DEPDC1B: variants seen among roughly 807,000 people sequenced by gnomAD.
DEPDC1B encodes the protein DEP domain-containing protein 1B.
A neutral mutation model predicts 66.5 loss-of-function variants in DEPDC1B; 51 were observed. The ratio of observed to expected loss-of-function variants is 0.77; its 90% CI spans 0.61 to 0.97. DEPDC1B has a LOEUF of 0.97. DEPDC1B is among the 50% of genes least tolerant of loss of function. DEPDC1B has a pLI of 0.00. For missense variants in DEPDC1B, 552 were observed against 637.1 expected (o/e 0.87, Z 1.44); for synonymous variants, 226 against 223.6 (o/e 1.01, Z -0.10).
intron 7 of DEPDC1B, among the ~76,000 whole-genome samples, chr5:60,635,686 C>T (rs1373130244): frequency 1.3e-5 from 2 of 152,208 alleles, no homozygotes; most frequent in Non-Finnish European, 2.9e-5. Context: ...TCCTTGAACA[C>T]TTGCTGCTTC....
chr5:60,621,314 A>C lies in DEPDC1B; in HGVS notation c.899-15458T>G, dbSNP rs560596406. Among the ~76,000 whole-genome samples the C allele has an allele frequency of 2.0e-5, 3 of 151,736 alleles. No individual in the cohort carries two copies. The East Asian group carries it at 5.9e-4, about 30-fold the overall frequency. ...TAAAATTTTAAAAATAAAAATAATA[A>C]AAATAAAAATAAAATGTGGCACATA... On this transcript the variant is annotated intron_variant, in intron 7 of 10. Coordinates refer to ENST00000265036, the MANE Select transcript of DEPDC1B (RefSeq NM_018369.3).
At chr5:60,631,811 G>C (rs1752931599) in intron 7 of DEPDC1B, among the ~76,000 whole-genome samples, 1 of 152,182 alleles carries the variant, frequency 6.6e-6, no homozygotes, top group Admixed American at 6.5e-5. Flanking sequence ...ATTGTGGTCA[G>C]CCTTATTCAT....
chr5:60,660,034 T>C (rs1465613407), intron 2 of DEPDC1B, among the ~76,000 whole-genome samples: 1 of 152,120 alleles, frequency 6.6e-6, no homozygotes, highest in East Asian at 1.9e-4. Flanking sequence ...TAGATCAGGA[T>C]GAAAATGAAT....
At chr5:60,618,244 A>G (rs1270345457) in intron 7 of DEPDC1B, among the ~76,000 whole-genome samples, 2 of 152,202 alleles carry the variant, frequency 1.3e-5, no homozygotes, top group Non-Finnish European at 2.9e-5. Context: ...AAGCAAGAGC[A>G]AACACATTCA....
At position 60,687,185 on chromosome 5, in the gene DEPDC1B, G is replaced by A. The variant is rs780638515; in HGVS notation, c.91C>T (p.Arg31Trp). 9.9e-6 allele frequency: 16 copies of A among 1,613,446 alleles called. No individual in the cohort carries two copies. The highest frequency in any genetic ancestry group is 3.3e-5 in the South Asian group (3 of 91,076). The change falls in exon 2 of 11, where the codon CGG (arginine) becomes TGG (tryptophan). Residue 31 changes from arginine (R) to tryptophan (W), a missense_variant. Coordinates refer to ENST00000265036, the MANE Select transcript of DEPDC1B (RefSeq NM_018369.3). ...VELFRAKMPL[R>W]KHRCRFKSYE... Reference sequence around the variant, plus strand: ...CTCTTGAAACGACAGCGATGTTTCCGTAACGGCATCTTAGCACGAAAAAGC... The same window carrying A: ...CTCTTGAAACGACAGCGATGTTTCCATAACGGCATCTTAGCACGAAAAAGC...
chr5:60,619,014 A>G (rs1031595738), intron 7 of DEPDC1B, among the ~76,000 whole-genome samples: 16 of 152,264 alleles, frequency 1.1e-4, no homozygotes, highest in Non-Finnish European at 1.0e-4. Context: ...AATCCAGCAT[A>G]TAAACAGAAC....
intron 7 of DEPDC1B, among the ~76,000 whole-genome samples, chr5:60,615,084 TA>T (rs1267386414): frequency 1.3e-5 from 2 of 152,200 alleles, no homozygotes; most frequent in African/African-American, 4.8e-5. Context: ...TTCATGCACA[TA>T]CATGACTTTT....
chr5:60,624,640 G>A (rs944701293), intron 7 of DEPDC1B, among the ~76,000 whole-genome samples: 8 of 152,222 alleles, frequency 5.3e-5, no homozygotes, highest in Non-Finnish European at 7.4e-5. Flanking sequence ...TAATTCTAGC[G>A]TGGTCAGAAA....
intron 6 of DEPDC1B, 50 bp from the exon 7 acceptor site, chr5:60,638,940 C>G: frequency 3.1e-6 from 5 of 1,587,612 alleles, no homozygotes; most frequent in Non-Finnish European, 4.3e-6. Context: ...GTAATTACCT[C>G]TAAGTATTAT....
At chr5:60,630,619 G>C (rs776419172) in intron 7 of DEPDC1B, 5 of 152,466 alleles carry the variant, frequency 3.3e-5, no homozygotes, top group Non-Finnish European at 7.3e-5. Flanking sequence ...TGGTTGCCAT[G>C]AAAGAAATTC....
At chr5:60,616,124 C>T (rs1752548267) in intron 7 of DEPDC1B, among the ~76,000 whole-genome samples, 1 of 152,164 alleles carries the variant, frequency 6.6e-6, no homozygotes, top group African/African-American at 2.4e-5. Flanking sequence ...AGGACATCCA[C>T]ACCAAAACCC....
intron 2 of DEPDC1B, among the ~76,000 whole-genome samples, chr5:60,669,540 T>C (rs1753980873): frequency 6.6e-6 from 1 of 152,342 alleles, no homozygotes; most frequent in East Asian, 1.9e-4. Context: ...TGCTGTGCTC[T>C]GTAAACCCAT....
chr5:60,653,714 G>A (rs987828056), intron 2 of DEPDC1B, among the ~76,000 whole-genome samples: 1 of 151,902 alleles, frequency 6.6e-6, no homozygotes, highest in Non-Finnish European at 1.5e-5. Flanking sequence ...TTTTTCTGAT[G>A]TTCTGCGATT....
chr5:60,604,056 T>G (rs1315638435), intron 8 of DEPDC1B, among the ~76,000 whole-genome samples: 2 of 151,472 alleles, frequency 1.3e-5, no homozygotes, highest in Admixed American at 1.3e-4. Flanking sequence ...TAGCTTATTT[T>G]CTCTAGGATT....
chr5:60,685,687 A>C (rs1406788423), intron 2 of DEPDC1B, among the ~76,000 whole-genome samples: 5 of 152,324 alleles, frequency 3.3e-5, no homozygotes, highest in Admixed American at 3.3e-4. Flanking sequence ...CATCCAGAGA[A>C]TCTTTCAGAA....
At chr5:60,609,088 A>C (rs1053130310) in intron 7 of DEPDC1B, among the ~76,000 whole-genome samples, 7 of 152,148 alleles carry the variant, frequency 4.6e-5, no homozygotes, top group Non-Finnish European at 1.0e-4. Context: ...CAGCCTGGGC[A>C]AAAGAGCAAT....
In DEPDC1B at chr5:60,612,528, C is replaced by CAAA. The variant is rs35196065; in HGVS notation, c.899-6675_899-6673dup. On this transcript the variant is annotated intron_variant, in intron 7 of 10. Coordinates refer to ENST00000265036, the MANE Select transcript of DEPDC1B (RefSeq NM_018369.3). ...TTTAAGCCCACTGTTGAGATCTGCT[C>CAAA]AAAAAAAAAAAAAAAAAAAAGAATA... is the stretch of plus-strand genomic sequence containing the variant. 1.8e-3 allele frequency among the ~76,000 whole-genome samples: 160 copies of CAAA among 90,138 alleles called. 1 individual carries two copies. Among genetic ancestry groups the CAAA allele is most frequent in the African/African-American group, 5.3e-3 (112 of 21,326 alleles). 59.1% of individuals were successfully genotyped at this position (90,138 alleles called of 152,430 possible).
At chr5:60,617,776 C>T (rs1042888845) in intron 7 of DEPDC1B, among the ~76,000 whole-genome samples, 11 of 152,280 alleles carry the variant, frequency 7.2e-5, no homozygotes, top group Admixed American at 6.5e-4. Flanking sequence ...CTCAGCTCTG[C>T]ACCAAGTGGA....
At chr5:60,681,629 G>A (rs1042230739) in intron 2 of DEPDC1B, among the ~76,000 whole-genome samples, 6 of 152,088 alleles carry the variant, frequency 3.9e-5, no homozygotes, top group Admixed American at 6.6e-5. Context: ...CCAAAGAGAC[G>A]CAATCATTCC....
Sources: allele counts gnomAD v4.1 joint callset (sites outside exome capture counted in the v4.1 genomes callset), GRCh38; gene constraint gnomAD v4.1.1; transcripts MANE v1.5; gene names NCBI Gene and HGNC (gene_info 2026-07-23, HGNC 2026-07-21).